EHMT1: variants seen among roughly 807,000 people sequenced by gnomAD.
EHMT1 encodes the protein euchromatic histone lysine methyltransferase 1.
In EHMT1, 15 loss-of-function variants were observed where a neutral mutation model predicts 147.2. The observed-to-expected ratio is 0.10, with a 90% CI of 0.07 to 0.16. The LOEUF is 0.16. EHMT1 is among the 10% of genes least tolerant of loss of function. The pLI, the probability that EHMT1 is intolerant of heterozygous loss-of-function variation, is 1.00. For synonymous variants in EHMT1, 795 were observed against 709.6 expected, an observed-to-expected ratio of 1.12 and a Z score of -1.91; for missense variants, 1,587 against 1,772.4, an observed-to-expected ratio of 0.90 and a Z score of 1.88.
intron 23 of EHMT1, 52 bp from the exon 24 acceptor site, chr9:137,817,386 TG>T: frequency 6.2e-7 from 1 of 1,601,092 alleles, no homozygotes; most frequent in Non-Finnish European, 8.6e-7. Context: ...CTGACCATTG[TG>T]GCAACAGGCT....
chr9:137,768,408 C>T (rs1950359178), intron 10 of EHMT1, among the ~76,000 whole-genome samples: 1 of 138,840 alleles, frequency 7.2e-6, no homozygotes, highest in Admixed American at 7.9e-5. Context: ...GGTTGGAGTG[C>T]AGTGGCAGGA....
intron 16 of EHMT1, among the ~76,000 whole-genome samples, chr9:137,795,423 A>T (rs199932751): frequency 3.4e-4 from 11 of 32,348 alleles, no homozygotes; most frequent in Non-Finnish European, 6.7e-4. Context: ...ACACACACAC[A>T]CACACTCTCA....
Position 137,729,213 on chromosome 9 carries a change from G to T in EHMT1, c.823+684G>T, listed in dbSNP as rs961022521. 2.6e-5 allele frequency among the ~76,000 whole-genome samples: 4 copies of T among 152,202 alleles called. 1 individual carries two copies. Among genetic ancestry groups the T allele is most frequent in the Admixed American group, 2.0e-4 (3 of 15,288 alleles). On this transcript the variant is annotated intron_variant, in intron 4 of 26. Coordinates refer to ENST00000460843, the MANE Select transcript of EHMT1 (RefSeq NM_024757.5). ...AATGCTGGGAGGTCAGCCGGCCCTC[G>T]TGAATGCTGCTGCTGCTGGCAAGGC...
At chr9:137,770,352 G>T (rs1027274726) in intron 10 of EHMT1, among the ~76,000 whole-genome samples, 5 of 152,148 alleles carry the variant, frequency 3.3e-5, no homozygotes. Context: ...TTTATCTCTG[G>T]TACTGTTTGT....
intron 1 of EHMT1, among the ~76,000 whole-genome samples, chr9:137,686,077 T>G (rs2134689872): frequency 6.6e-6 from 1 of 152,144 alleles, no homozygotes; most frequent in African/African-American, 2.4e-5. Flanking sequence ...GTGCCAGGCT[T>G]GGAAGAGTTC....
At chr9:137,718,191 TCA>T (rs1398853660) in intron 3 of EHMT1, among the ~76,000 whole-genome samples, 3 of 150,756 alleles carry the variant, frequency 2.0e-5, no homozygotes, top group African/African-American at 7.3e-5. Context: ...CGCCCGCCCC[TCA>T]CGCGCACCGT....
At chr9:137,783,697 T>G (rs1951738885) in intron 15 of EHMT1, among the ~76,000 whole-genome samples, 1 of 152,112 alleles carries the variant, frequency 6.6e-6, no homozygotes, top group Admixed American at 6.5e-5. Flanking sequence ...ACCTGTCTTC[T>G]CGGACTGCAC....
chr9:137,835,775 C>T lies in EHMT1; in HGVS notation c.*822C>T, dbSNP rs1326962261. 3 of 152,526 alleles carry T rather than the reference C, an allele frequency of 2.0e-5. No homozygotes were observed. The highest frequency in any genetic ancestry group is 4.4e-5 in the Non-Finnish European group (3 of 68,046). 9.4% of individuals were successfully genotyped at this position (152,526 alleles called of 1,614,324 possible). On this transcript the variant is annotated 3_prime_UTR_variant, in exon 27 of 27. Transcript: ENST00000460843. ...ATTCTGGTGTGGTTTCTACTCACCA[C>T]GTGAAATAAACTATCAACTGTATAA...
chr9:137,803,473 G>A (rs902064396), intron 18 of EHMT1: 8 of 220,166 alleles, frequency 3.6e-5, no homozygotes, highest in African/African-American at 1.2e-4. Context: ...GCTTTCCCTC[G>A]CGTCCTTAAG....
chr9:137,736,906 T>C (rs1947585344), intron 4 of EHMT1, among the ~76,000 whole-genome samples: 1 of 149,814 alleles, frequency 6.7e-6, no homozygotes, highest in Non-Finnish European at 1.5e-5. Context: ...AAAAGAAAAA[T>C]ATATACAGAG....
intron 2 of EHMT1, among the ~76,000 whole-genome samples, chr9:137,713,606 G>A (rs1944941913): frequency 1.3e-5 from 2 of 150,720 alleles, no homozygotes; most frequent in South Asian, 4.2e-4. Context: ...ATTTTAAATA[G>A]AATTGTTTTA....
chr9:137,675,779 ATTTTTTTTTTTT>A (rs781380107), intron 1 of EHMT1, among the ~76,000 whole-genome samples: 2 of 95,780 alleles, frequency 2.1e-5, no homozygotes, highest in African/African-American at 9.4e-5. Context: ...CGCCCGGCTA[ATTTTTTTTTTTT>A]TTTTTTTTTT....
At chr9:137,779,028 A>T (rs1477228400) in intron 13 of EHMT1, among the ~76,000 whole-genome samples, 2 of 152,192 alleles carry the variant, frequency 1.3e-5, no homozygotes, top group Non-Finnish European at 1.5e-5. Context: ...ACACTAAGCC[A>T]TTCATGAGGG....
chr9:137,781,312 T>C (rs1361617642), intron 14 of EHMT1, among the ~76,000 whole-genome samples: 35 of 108,920 alleles, frequency 3.2e-4, no homozygotes, highest in Non-Finnish European at 4.9e-4. Context: ...ACGGCATCAC[T>C]GAGATGTGTG....
intron 1 of EHMT1, among the ~76,000 whole-genome samples, chr9:137,679,088 G>A (rs1457042870): frequency 6.6e-6 from 1 of 152,042 alleles, no homozygotes. Context: ...TGGGTAGCTG[G>A]GACTACAGGC....
chr9:137,825,494 G>T (rs1407062102), intron 25 of EHMT1, among the ~76,000 whole-genome samples: 2 of 152,110 alleles, frequency 1.3e-5, no homozygotes, highest in African/African-American at 4.8e-5. Context: ...GTGCCACCCT[G>T]GGCACCTCTG....
intron 7 of EHMT1, among the ~76,000 whole-genome samples, chr9:137,753,701 A>G (rs1284306293): frequency 6.6e-6 from 1 of 152,264 alleles, no homozygotes; most frequent in African/African-American, 2.4e-5. Context: ...TTTTAGAAGC[A>G]GATGCTTAAA....
chr9:137,818,118 C>G lies in EHMT1; in HGVS notation c.3520C>G (p.Leu1174Val), dbSNP rs1344023823. The change falls in exon 25 of 27, where the codon CTC becomes GTC. Residue 1174 changes from leucine (L) to valine (V), a missense_variant. Coordinates refer to ENST00000460843, the MANE Select transcript of EHMT1 (RefSeq NM_024757.5). ...CGACGTTCGAGAGGAAGATTCTTAC[C>G]TCTTTGATCTCGACAATAAGGTAAT... ...EADVREEDSY[L>V]FDLDNKDGEV... 1 of 1,614,212 alleles carries G rather than the reference C, an allele frequency of 6.2e-7. No homozygotes were observed. The highest frequency in any genetic ancestry group is 2.2e-5 in the East Asian group (1 of 44,882).
intron 1 of EHMT1, among the ~76,000 whole-genome samples, chr9:137,625,795 A>G (rs986630376): frequency 2.7e-5 from 4 of 150,508 alleles, no homozygotes; most frequent in Non-Finnish European, 5.9e-5. Context: ...CCACTTCTCA[A>G]TTTTTTTAAT....
Sources: allele counts gnomAD v4.1 joint callset (sites outside exome capture counted in the v4.1 genomes callset), GRCh38; gene constraint gnomAD v4.1.1; transcripts MANE v1.5; gene names NCBI Gene and HGNC (gene_info 2026-07-23, HGNC 2026-07-21).